Variants in TASP1 observed in about 807,000 individuals in gnomAD.
TASP1 encodes the protein taspase 1.
In TASP1, 16 loss-of-function variants were observed where a neutral mutation model predicts 56.6. That is an observed-to-expected ratio of 0.28 (90% confidence interval 0.19 to 0.43). TASP1 has a LOEUF of 0.43. TASP1 is among the 20% of genes least tolerant of loss of function. TASP1 has a pLI of 1.00. For missense variants in TASP1, 393 were observed against 511.6 expected (o/e 0.77, Z 2.24); for synonymous variants, 179 against 184.2 (o/e 0.97, Z 0.23).
chr20:13,252,336 T>G, the TASP1 span, among the ~76,000 whole-genome samples: 11,028 of 152,276 alleles, frequency 0.072, 506 homozygotes, highest in Middle Eastern at 0.14. Context: ...CCTTCATACA[T>G]GAATCATTGC....
intron 8 of TASP1, among the ~76,000 whole-genome samples, chr20:13,551,720 G>A (rs1178170444): frequency 6.6e-6 from 1 of 152,174 alleles, no homozygotes; most frequent in Non-Finnish European, 1.5e-5. Flanking sequence ...ACAGCAATTG[G>A]CCAATGAGTT....
intron 11 of TASP1, among the ~76,000 whole-genome samples, chr20:13,470,143 G>C (rs1337841962): frequency 6.6e-6 from 1 of 152,036 alleles, no homozygotes; most frequent in Non-Finnish European, 1.5e-5. Context: ...TAATGCCATT[G>C]AGTATTATCT....
chr20:13,504,165 T>C (rs145799273), intron 10 of TASP1, among the ~76,000 whole-genome samples: 1,692 of 151,630 alleles, frequency 0.011, 41 homozygotes, highest in African/African-American at 0.038. Flanking sequence ...TATCAAATCA[T>C]CAAAAACCAA....
the TASP1 span, among the ~76,000 whole-genome samples, chr20:13,378,037 T>C: frequency 2.0e-5 from 3 of 152,210 alleles, no homozygotes; most frequent in African/African-American, 4.8e-5. Flanking sequence ...CCTGGATTCA[T>C]TGATTTTTTT....
the TASP1 span, among the ~76,000 whole-genome samples, chr20:13,374,973 TCCACTAATTA>T: frequency 6.6e-6 from 1 of 152,196 alleles, no homozygotes; most frequent in African/African-American, 2.4e-5. Context: ...GCAATTAGGC[TCCACTAATTA>T]CCACTAATTG....
the TASP1 span, among the ~76,000 whole-genome samples, chr20:13,303,067 G>A: frequency 7.2e-5 from 11 of 152,168 alleles, no homozygotes; most frequent in African/African-American, 1.7e-4. Flanking sequence ...ACAGGAGACC[G>A]GCATTATTAC....
the TASP1 span, among the ~76,000 whole-genome samples, chr20:13,133,359 T>C: frequency 6.6e-6 from 1 of 151,582 alleles, no homozygotes; most frequent in Non-Finnish European, 1.5e-5. Flanking sequence ...GAATCACTGC[T>C]GCATAATGAC....
At chr20:13,536,933 T>C (rs1601162784) in intron 8 of TASP1, among the ~76,000 whole-genome samples, 2 of 152,140 alleles carry the variant, frequency 1.3e-5, no homozygotes, top group South Asian at 2.1e-4. Flanking sequence ...AATTAACATA[T>C]ACATTACCTC....
At chr20:13,119,441 C>A in the TASP1 span, among the ~76,000 whole-genome samples, 2 of 152,154 alleles carry the variant, frequency 1.3e-5, no homozygotes, top group African/African-American at 4.8e-5. Flanking sequence ...AAGATGTAGG[C>A]GTTCTTGTCC....
the TASP1 span, among the ~76,000 whole-genome samples, chr20:13,159,056 A>G: frequency 6.6e-6 from 1 of 152,264 alleles, no homozygotes; most frequent in East Asian, 1.9e-4. Context: ...CAAAGGGGAA[A>G]AAGAGTCACT....
intron 12 of TASP1, among the ~76,000 whole-genome samples, chr20:13,427,129 G>A (rs1260974020): frequency 4.6e-5 from 7 of 152,178 alleles, no homozygotes; most frequent in Non-Finnish European, 8.8e-5. Flanking sequence ...CTGGTGCCCT[G>A]AGAATGAAGC....
At chr20:13,323,460 C>T in the TASP1 span, among the ~76,000 whole-genome samples, 1 of 152,146 alleles carries the variant, frequency 6.6e-6, no homozygotes, top group Admixed American at 6.5e-5. Context: ...AGAACTCAGC[C>T]CTATTCCTTT....
chr20:13,546,756 A>C (rs912776019), intron 8 of TASP1, among the ~76,000 whole-genome samples: 1 of 152,072 alleles, frequency 6.6e-6, no homozygotes, highest in Non-Finnish European at 1.5e-5. Context: ...CCTCTTTGGA[A>C]TGGCCAGTGG....
the TASP1 span, among the ~76,000 whole-genome samples, chr20:13,309,215 A>AG: frequency 6.6e-6 from 1 of 152,086 alleles, no homozygotes; most frequent in Non-Finnish European, 1.5e-5. Context: ...TCAAGACAAT[A>AG]GTTACCTCTG....
chr20:13,550,147 TACACACACACACACAC>T (rs149572327), intron 8 of TASP1, among the ~76,000 whole-genome samples: 1 of 135,304 alleles, frequency 7.4e-6, no homozygotes, highest in African/African-American at 2.8e-5. Flanking sequence ...TATATACACA[TACACACACACACACAC>T]ACACACACAC....
chr20:13,519,157 T>C (rs952250792), intron 10 of TASP1, among the ~76,000 whole-genome samples: 7 of 151,932 alleles, frequency 4.6e-5, no homozygotes, highest in African/African-American at 9.7e-5. Flanking sequence ...ATAGGAACAA[T>C]AGACAATGAG....
chr20:13,568,615 T>C (rs576659754), intron 7 of TASP1, among the ~76,000 whole-genome samples: 4 of 152,264 alleles, frequency 2.6e-5, no homozygotes, highest in African/African-American at 9.6e-5. Context: ...GAATATATGA[T>C]CATTTATTTA....
At chr20:13,417,951 T>C (rs535165921) in intron 12 of TASP1, among the ~76,000 whole-genome samples, 21 of 152,328 alleles carry the variant, frequency 1.4e-4, no homozygotes, top group Non-Finnish European at 2.8e-4. Context: ...TCACTCTTGT[T>C]GTCCAGGCTT....
chr20:13,277,955 G>A, the TASP1 span, among the ~76,000 whole-genome samples: 1 of 152,206 alleles, frequency 6.6e-6, no homozygotes, highest in Non-Finnish European at 1.5e-5. Context: ...ACAAAAGGAA[G>A]GGGTTATTTG....
Sources: gnomAD v4.1 joint callset for allele counts (sites outside exome capture counted in the v4.1 genomes callset) on GRCh38, gnomAD v4.1.1 for gene constraint, MANE v1.5 for transcripts, NCBI Gene and HGNC (gene_info 2026-07-23, HGNC 2026-07-21) for gene names.